NLGN1: variants seen among roughly 807,000 people sequenced by gnomAD.
NLGN1 encodes neuroligin 1.
A neutral mutation model predicts 65.5 loss-of-function variants in NLGN1; 12 were observed. The ratio of observed to expected loss-of-function variants is 0.18; its 90% CI spans 0.12 to 0.30. The LOEUF (loss-of-function observed/expected upper bound fraction) is 0.30, where lower values mean the gene tolerates loss of function less well. NLGN1 is among the 10% of genes least tolerant of loss of function. The pLI, the probability that NLGN1 is intolerant of heterozygous loss-of-function variation, is 1.00. For missense variants in NLGN1, 750 were observed against 1,007.1 expected (o/e 0.74, Z 3.46); for synonymous variants, 350 against 359.5 (o/e 0.97, Z 0.30).
intron 2 of NLGN1, among the ~76,000 whole-genome samples, chr3:173,591,435 G>A (rs1475243672): frequency 2.0e-5 from 3 of 152,066 alleles, no homozygotes; most frequent in African/African-American, 7.2e-5. Flanking sequence ...ATTGCTGTTC[G>A]GTGCCTTATG....
intron 3 of NLGN1, among the ~76,000 whole-genome samples, chr3:173,668,778 C>T (rs987554292): frequency 6.6e-6 from 1 of 151,836 alleles, no homozygotes; most frequent in African/African-American, 2.4e-5. Context: ...CATGAGCCAC[C>T]GTGCCCAGCT....
At chr3:173,502,690 C>G (rs375117307) in intron 2 of NLGN1, among the ~76,000 whole-genome samples, 9 of 152,146 alleles carry the variant, frequency 5.9e-5, no homozygotes, top group African/African-American at 9.6e-5. Context: ...TAATTTGGTT[C>G]AGCATATAAA....
At chr3:174,272,264 C>T (rs912876463) in intron 4 of NLGN1, among the ~76,000 whole-genome samples, 3 of 151,646 alleles carry the variant, frequency 2.0e-5, no homozygotes, top group Non-Finnish European at 4.4e-5. Context: ...CTAGGGTGAT[C>T]TGAAATGGTT....
At chr3:173,581,860 T>C (rs1176400437) in intron 2 of NLGN1, among the ~76,000 whole-genome samples, 1 of 151,958 alleles carries the variant, frequency 6.6e-6, no homozygotes, top group East Asian at 1.9e-4. Flanking sequence ...ATAGTAATAT[T>C]GTAAACACCC....
intron 3 of NLGN1, among the ~76,000 whole-genome samples, chr3:173,658,413 G>T (rs1760408787): frequency 6.6e-6 from 1 of 152,014 alleles, no homozygotes; most frequent in South Asian, 2.1e-4. Flanking sequence ...GTGCTTCAGA[G>T]TAGAATCCAG....
intron 4 of NLGN1, among the ~76,000 whole-genome samples, chr3:174,065,619 TA>T (rs145512808): frequency 0.018 from 2,789 of 152,252 alleles, 83 homozygotes; most frequent in African/African-American, 0.063. Context: ...CTTGTGTGTG[TA>T]GATACTTCTT....
intron 2 of NLGN1, among the ~76,000 whole-genome samples, chr3:173,592,557 T>C (rs1473545889): frequency 1.3e-5 from 2 of 152,186 alleles, no homozygotes; most frequent in East Asian, 1.9e-4. Flanking sequence ...ACCTCTTCTA[T>C]GTTTCGTCCC....
chr3:173,957,676 G>GAA (rs778012223), intron 4 of NLGN1, among the ~76,000 whole-genome samples: 1 of 152,222 alleles, frequency 6.6e-6, no homozygotes, highest in Non-Finnish European at 1.5e-5. Context: ...ACTCTTAAGA[G>GAA]AAGGAATACA....
intron 3 of NLGN1, among the ~76,000 whole-genome samples, chr3:173,783,603 G>GT (rs1327923774): frequency 2.6e-5 from 4 of 152,128 alleles, no homozygotes; most frequent in Non-Finnish European, 5.9e-5. Context: ...TTGTCATAAT[G>GT]TTTTTCATTC....
intron 2 of NLGN1, among the ~76,000 whole-genome samples, chr3:173,468,095 C>T (rs1008415837): frequency 7.6e-4 from 115 of 152,262 alleles, no homozygotes; most frequent in African/African-American, 2.7e-3. Context: ...GTCTGCCCCT[C>T]TTCTAGGCTG....
At chr3:174,129,113 C>G (rs1414831442) in intron 4 of NLGN1, among the ~76,000 whole-genome samples, 2 of 151,944 alleles carry the variant, frequency 1.3e-5, no homozygotes, top group Non-Finnish European at 2.9e-5. Context: ...AGATAAGTAG[C>G]GTATAAAAGC....
chr3:173,970,821 GTTGCTAC>G (rs891698784), intron 4 of NLGN1, among the ~76,000 whole-genome samples: 9 of 152,150 alleles, frequency 5.9e-5, no homozygotes, highest in African/African-American at 1.9e-4. Flanking sequence ...GCTGATTCTG[GTTGCTAC>G]TTGCACTTCT....
intron 4 of NLGN1, among the ~76,000 whole-genome samples, chr3:174,054,912 C>T (rs1735714798): frequency 6.6e-6 from 1 of 151,960 alleles, no homozygotes; most frequent in South Asian, 2.1e-4. Context: ...CCAGTTGATG[C>T]CCCCTGCCAT....
intron 4 of NLGN1, among the ~76,000 whole-genome samples, chr3:174,044,981 C>G (rs756947145): frequency 6.6e-6 from 1 of 152,016 alleles, no homozygotes; most frequent in Non-Finnish European, 1.5e-5. Context: ...TTCCTGAGGC[C>G]TCCCCAGCCA....
chr3:173,499,535 CA>C (rs1041181915), intron 2 of NLGN1, among the ~76,000 whole-genome samples: 32 of 151,766 alleles, frequency 2.1e-4, no homozygotes, highest in Admixed American at 1.6e-3. Context: ...CTTGGCAATG[CA>C]GGCTCTTTTT....
At chr3:173,810,179 A>G (rs1045098756) in intron 4 of NLGN1, among the ~76,000 whole-genome samples, 1 of 152,230 alleles carries the variant, frequency 6.6e-6, no homozygotes, top group African/African-American at 2.4e-5. Flanking sequence ...ATTAATTCAT[A>G]AAAAAGAAAT....
chr3:174,099,109 A>T (rs1711799028), intron 4 of NLGN1, among the ~76,000 whole-genome samples: 1 of 152,216 alleles, frequency 6.6e-6, no homozygotes. Flanking sequence ...CAACAAATGT[A>T]TAAATCAAAA....
At chr3:173,419,151 T>G (rs1393305770) in intron 1 of NLGN1, among the ~76,000 whole-genome samples, 1 of 150,220 alleles carries the variant, frequency 6.7e-6, no homozygotes, top group Admixed American at 6.7e-5. Context: ...ACAGGTTTAC[T>G]TTCGATAAAA....
At chr3:173,612,751 A>G (rs1267926169) in intron 3 of NLGN1, among the ~76,000 whole-genome samples, 1 of 152,260 alleles carries the variant, frequency 6.6e-6, no homozygotes, top group East Asian at 1.9e-4. Flanking sequence ...CAAACTGGGT[A>G]GCGTAAACAG....
Sources: gnomAD v4.1 joint callset for allele counts (sites outside exome capture counted in the v4.1 genomes callset) on GRCh38, gnomAD v4.1.1 for gene constraint, MANE v1.5 for transcripts, NCBI Gene and HGNC (gene_info 2026-07-23, HGNC 2026-07-21) for gene names.